Variants in IGFBP7 observed in about 807,000 individuals in gnomAD.
IGFBP7 encodes insulin-like growth factor-binding protein 7.
IGFBP7 carries 31 observed loss-of-function variants against 29.4 expected under a neutral mutation model. The observed-to-expected ratio is 1.05, with a 90% CI of 0.79 to 1.42. The LOEUF is 1.42. Ranked by LOEUF, IGFBP7 falls within the 40% of genes most tolerant of loss-of-function variation. The probability of loss-of-function intolerance (pLI) is 0.00; values close to 1 mark genes in which losing one functional copy is unlikely to be tolerated. For missense variants in IGFBP7, 393 were observed against 395.5 expected (o/e 0.99, Z 0.05); for synonymous variants, 172 against 174.9 (o/e 0.98, Z 0.13).
At chr4:57,105,874 T>A (rs1423270272) in intron 1 of IGFBP7, among the ~76,000 whole-genome samples, 1 of 151,986 alleles carries the variant, frequency 6.6e-6, no homozygotes, top group Non-Finnish European at 1.5e-5. Flanking sequence ...ACAGAGCTGA[T>A]CCTTGAAGGC....
intron 1 of IGFBP7, among the ~76,000 whole-genome samples, chr4:57,091,846 G>A (rs375799205): frequency 1.2e-4 from 18 of 152,316 alleles, no homozygotes; most frequent in Middle Eastern, 3.4e-3. Context: ...CCAAGGGCAC[G>A]TGTGGTAAAA....
chr4:57,100,423 G>A (rs1229712202), intron 1 of IGFBP7, among the ~76,000 whole-genome samples: 1 of 152,086 alleles, frequency 6.6e-6, no homozygotes, highest in Non-Finnish European at 1.5e-5. Context: ...ACTAATGTTA[G>A]CCACCTCAGA....
chr4:57,071,166 T>C (rs1560500705), intron 1 of IGFBP7, among the ~76,000 whole-genome samples: 1 of 152,118 alleles, frequency 6.6e-6, no homozygotes, highest in Non-Finnish European at 1.5e-5. Flanking sequence ...ATCAATGCAG[T>C]ACTCCAGATC....
intron 1 of IGFBP7, among the ~76,000 whole-genome samples, chr4:57,063,470 T>C (rs1465927601): frequency 6.6e-6 from 1 of 152,252 alleles, no homozygotes; most frequent in Non-Finnish European, 1.5e-5. Flanking sequence ...TGAACCAATG[T>C]CACTACCAAA....
intron 1 of IGFBP7, among the ~76,000 whole-genome samples, chr4:57,085,935 C>T (rs1250026587): frequency 6.6e-6 from 1 of 152,102 alleles, no homozygotes; most frequent in Non-Finnish European, 1.5e-5. Flanking sequence ...AATTTTGATT[C>T]TATTCCTAGT....
intron 1 of IGFBP7, among the ~76,000 whole-genome samples, chr4:57,082,456 A>T (rs374012477): frequency 6.6e-6 from 1 of 152,168 alleles, no homozygotes; most frequent in African/African-American, 2.4e-5. Flanking sequence ...ATGAACTGAA[A>T]TATCACCCCA....
chr4:57,062,883 C>G (rs775450757), intron 1 of IGFBP7, among the ~76,000 whole-genome samples: 1 of 152,184 alleles, frequency 6.6e-6, no homozygotes, highest in Non-Finnish European at 1.5e-5. Context: ...ACATCTTCCT[C>G]TTGAGAAAAA....
chr4:57,109,460 T>G (rs1304783139), intron 1 of IGFBP7, among the ~76,000 whole-genome samples: 2 of 152,080 alleles, frequency 1.3e-5, no homozygotes, highest in Non-Finnish European at 2.9e-5. Flanking sequence ...TGGAAGTCCT[T>G]ACTTTATATT....
intron 1 of IGFBP7, among the ~76,000 whole-genome samples, chr4:57,075,355 G>A (rs1725195914): frequency 6.6e-6 from 1 of 152,100 alleles, no homozygotes; most frequent in South Asian, 2.1e-4. Flanking sequence ...TTAAAATAAT[G>A]TTTCATTGTT....
At chr4:57,097,489 G>A (rs1476665843) in intron 1 of IGFBP7, among the ~76,000 whole-genome samples, 2 of 152,170 alleles carry the variant, frequency 1.3e-5, no homozygotes, top group Admixed American at 6.5e-5. Flanking sequence ...GAACACATGA[G>A]GCAGTATTGT....
In IGFBP7 at chr4:57,031,133, T is replaced by A. The variant is rs1176022012; in HGVS notation, c.*184A>T. On this transcript the variant is annotated 3_prime_UTR_variant, in exon 5 of 5. Coordinates refer to ENST00000295666, the MANE Select transcript of IGFBP7 (RefSeq NM_001553.3). ...GATATGCATGCTTTTCTTCTGTAAA[T>A]ATATAATAAATTTTTGTAGATAGTC... 1 of 711,728 alleles carries A rather than the reference T, an allele frequency of 1.4e-6. No individual in the cohort carries two copies. Among genetic ancestry groups the A allele is most frequent in the Admixed American group, 2.7e-5 (1 of 36,840 alleles). 44.1% of individuals were successfully genotyped at this position (711,728 alleles called of 1,614,324 possible).
chr4:57,049,971 C>A (rs888134702), intron 1 of IGFBP7, among the ~76,000 whole-genome samples: 1 of 152,116 alleles, frequency 6.6e-6, no homozygotes, highest in African/African-American at 2.4e-5. Context: ...TATTTATCAG[C>A]TGGCAGATTA....
At chr4:57,049,775 T>C (rs1724458580) in intron 1 of IGFBP7, among the ~76,000 whole-genome samples, 1 of 152,168 alleles carries the variant, frequency 6.6e-6, no homozygotes, top group African/African-American at 2.4e-5. Context: ...AATCAAAAGA[T>C]CTTCATGTTC....
chr4:57,095,559 G>A (rs939166161), intron 1 of IGFBP7, among the ~76,000 whole-genome samples: 1 of 152,120 alleles, frequency 6.6e-6, no homozygotes, highest in Non-Finnish European at 1.5e-5. Context: ...TTGTGAGGTC[G>A]GTAGTATCTT....
At chr4:57,086,861 G>C (rs1477446259) in intron 1 of IGFBP7, among the ~76,000 whole-genome samples, 2 of 152,136 alleles carry the variant, frequency 1.3e-5, no homozygotes, top group Non-Finnish European at 2.9e-5. Context: ...AGCCTTCTGA[G>C]CAGCTGGGAT....
At chr4:57,056,012 G>A (rs1442224007) in intron 1 of IGFBP7, among the ~76,000 whole-genome samples, 1 of 152,048 alleles carries the variant, frequency 6.6e-6, no homozygotes, top group Non-Finnish European at 1.5e-5. Flanking sequence ...TTACCCTCCA[G>A]GCCCCGGACT....
intron 2 of IGFBP7, among the ~76,000 whole-genome samples, chr4:57,037,486 C>T (rs1408470754): frequency 1.1e-4 from 17 of 151,824 alleles, no homozygotes; most frequent in African/African-American, 3.9e-4. Context: ...AGCGATCCTC[C>T]CACCTCAGCC....
intron 1 of IGFBP7, among the ~76,000 whole-genome samples, chr4:57,080,449 G>A (rs909471950): frequency 1.1e-4 from 17 of 152,152 alleles, no homozygotes; most frequent in Admixed American, 2.0e-4. Flanking sequence ...GACACACGAA[G>A]GGTTTTCCTA....
At chr4:57,039,446 T>TTAA (rs1162980823) in intron 2 of IGFBP7, among the ~76,000 whole-genome samples, 1 of 152,162 alleles carries the variant, frequency 6.6e-6, no homozygotes, top group Non-Finnish European at 1.5e-5. Flanking sequence ...GAAGATGCTT[T>TTAA]TAATTCTCAC....
Sources: gnomAD v4.1 joint callset for allele counts (sites outside exome capture counted in the v4.1 genomes callset) on GRCh38, gnomAD v4.1.1 for gene constraint, MANE v1.5 for transcripts, NCBI Gene and HGNC (gene_info 2026-07-23, HGNC 2026-07-21) for gene names.